The following NTM variants were observed in gnomAD, a reference collection of about 807,000 sequenced individuals.
The protein encoded by NTM is neurotrimin.
In NTM, 13 loss-of-function variants were observed where a neutral mutation model predicts 42.1. The ratio of observed to expected loss-of-function variants is 0.31; its 90% CI spans 0.20 to 0.49. The LOEUF (loss-of-function observed/expected upper bound fraction) is 0.49, where lower values mean the gene tolerates loss of function less well. Among genes scored for constraint, NTM ranks in the 20% least tolerant of loss-of-function variants. The pLI, the probability that NTM is intolerant of heterozygous loss-of-function variation, is 0.99. For missense variants in NTM, 373 were observed against 452.8 expected, an observed-to-expected ratio of 0.82 and a Z score of 1.60; for synonymous variants, 187 against 179.2, an observed-to-expected ratio of 1.04 and a Z score of -0.35.
chr11:131,508,051 A>G (rs928481807), intron 1 of NTM, among the ~76,000 whole-genome samples: 3 of 150,586 alleles, frequency 2.0e-5, no homozygotes, highest in Admixed American at 6.6e-5. Context: ...TAATTAAACT[A>G]AAGAGCTTCT....
intron 1 of NTM, among the ~76,000 whole-genome samples, chr11:131,766,506 A>C (rs2085125690): frequency 6.6e-6 from 1 of 152,126 alleles, no homozygotes; most frequent in African/African-American, 2.4e-5. Flanking sequence ...CTGTCATTAT[A>C]AACTGGTATT....
chr11:132,149,773 G>A (rs981946366), intron 3 of NTM, among the ~76,000 whole-genome samples: 29 of 152,190 alleles, frequency 1.9e-4, no homozygotes, highest in African/African-American at 6.5e-4. Context: ...TGGAGCCAGT[G>A]TGGGAGGGAG....
Position 131,596,989 on chromosome 11 carries a change from G to A in NTM, c.82+226101G>A, listed in dbSNP as rs181529221. 1.8e-3 allele frequency among the ~76,000 whole-genome samples: 278 copies of A among 152,236 alleles called. 1 individual carries two copies. Among genetic ancestry groups the A allele is most frequent in the African/African-American group, 6.4e-3 (264 of 41,548 alleles). ...ACAGGAGAAAGATGGAGGCTGGGAG[G>A]CTATCAGGATCTCTTTTCACATTTT... On this transcript the variant is annotated intron_variant, in intron 1 of 8. Transcript: ENST00000683400.
At chr11:131,918,827 G>T (rs975652034) in intron 2 of NTM, among the ~76,000 whole-genome samples, 1 of 152,158 alleles carries the variant, frequency 6.6e-6, no homozygotes, top group Admixed American at 6.5e-5. Flanking sequence ...GGACCCAACC[G>T]ACCTCTAGAG....
At chr11:132,006,885 G>T (rs923924642) in intron 2 of NTM, among the ~76,000 whole-genome samples, 1 of 152,246 alleles carries the variant, frequency 6.6e-6, no homozygotes, top group Non-Finnish European at 1.5e-5. Flanking sequence ...TGGTAGGATT[G>T]TACTTCCTCC....
chr11:131,591,406 A>G (rs2059357609), intron 1 of NTM, among the ~76,000 whole-genome samples: 1 of 152,142 alleles, frequency 6.6e-6, no homozygotes, highest in Non-Finnish European at 1.5e-5. Context: ...TCTGCTGCTG[A>G]CAGTCCATGG....
At chr11:132,305,098 G>A (rs1329249358) in intron 4 of NTM, among the ~76,000 whole-genome samples, 1 of 152,182 alleles carries the variant, frequency 6.6e-6, no homozygotes, top group East Asian at 1.9e-4. Context: ...GATTTTGACT[G>A]CCTTAATATT....
chr11:132,245,151 C>T (rs1329415673), intron 4 of NTM, among the ~76,000 whole-genome samples: 3 of 152,178 alleles, frequency 2.0e-5, no homozygotes, highest in African/African-American at 7.2e-5. Flanking sequence ...TGGCAGAGGA[C>T]AGAGGTTTGC....
intron 2 of NTM, among the ~76,000 whole-genome samples, chr11:132,036,195 G>T (rs11222874): frequency 6.6e-6 from 1 of 152,010 alleles, no homozygotes. Flanking sequence ...GGACAGAAAC[G>T]AGTTGGGATA....
chr11:131,674,141 C>T (rs1332039680), intron 1 of NTM, among the ~76,000 whole-genome samples: 2 of 152,240 alleles, frequency 1.3e-5, no homozygotes, highest in African/African-American at 2.4e-5. Flanking sequence ...GGTGCGGGCG[C>T]CCTCGCGTGG....
rs1024918406 is a variant in NTM, at chr11:131,806,620, G to C, written c.83-104944G>C. On this transcript the variant is annotated intron_variant, in intron 1 of 8. Transcript: ENST00000683400. ...GGGTAATGAGGCCCAGAAAGGAGAAGGAATTTGCCCAGTGACACACAGGAA... is the reference window on the plus strand; with the variant it reads ...GGGTAATGAGGCCCAGAAAGGAGAACGAATTTGCCCAGTGACACACAGGAA... 3.9e-5 allele frequency among the ~76,000 whole-genome samples: 6 copies of C among 152,284 alleles called. 1 individual carries two copies. Among genetic ancestry groups the C allele is most frequent in the African/African-American group, 7.2e-5 (3 of 41,568 alleles).
chr11:131,551,021 G>A (rs959878894), intron 1 of NTM, among the ~76,000 whole-genome samples: 4 of 152,120 alleles, frequency 2.6e-5, no homozygotes, highest in African/African-American at 9.7e-5. Context: ...TTAAATTTAA[G>A]TTGTATTTTA....
chr11:131,774,074 T>C (rs1853908439), intron 1 of NTM: 1 of 984,942 alleles, frequency 1.0e-6, no homozygotes, highest in Non-Finnish European at 1.2e-6. Context: ...GTTCCAATGT[T>C]GTTCCAAAAT....
At chr11:132,286,485 G>A (rs776819910) in intron 4 of NTM, among the ~76,000 whole-genome samples, 4 of 152,114 alleles carry the variant, frequency 2.6e-5, no homozygotes, top group Non-Finnish European at 5.9e-5. Flanking sequence ...TGCTAGAGAA[G>A]AACACGATAT....
chr11:131,677,276 C>T (rs926678749), intron 1 of NTM, among the ~76,000 whole-genome samples: 8 of 152,150 alleles, frequency 5.3e-5, no homozygotes, highest in Non-Finnish European at 8.8e-5. Flanking sequence ...ACCCGCCTCC[C>T]GTGGAGGTCC....
intron 1 of NTM, among the ~76,000 whole-genome samples, chr11:131,457,526 C>T (rs1003035408): frequency 2.0e-5 from 3 of 151,924 alleles, no homozygotes; most frequent in African/African-American, 7.3e-5. Flanking sequence ...TTCCATTTGC[C>T]GAAAGGAAGA....
At chr11:132,076,767 T>C (rs2058421836) in intron 2 of NTM, among the ~76,000 whole-genome samples, 1 of 152,182 alleles carries the variant, frequency 6.6e-6, no homozygotes, top group Admixed American at 6.5e-5. Context: ...TCAATACTTA[T>C]TGCATAGGGC....
intron 1 of NTM, among the ~76,000 whole-genome samples, chr11:131,557,088 G>A (rs1183341149): frequency 1.3e-5 from 2 of 152,026 alleles, no homozygotes; most frequent in Non-Finnish European, 2.9e-5. Flanking sequence ...TGTCATGACA[G>A]CCAGAGGCAG....
At chr11:132,031,936 C>T (rs750397763) in intron 2 of NTM, among the ~76,000 whole-genome samples, 1 of 151,646 alleles carries the variant, frequency 6.6e-6, no homozygotes, top group Non-Finnish European at 1.5e-5. Flanking sequence ...ATTAATCTTT[C>T]TCCTTCTCTA....
Sources: allele counts gnomAD v4.1 joint callset (sites outside exome capture counted in the v4.1 genomes callset), GRCh38; gene constraint gnomAD v4.1.1; transcripts MANE v1.5; gene names NCBI Gene and HGNC (gene_info 2026-07-23, HGNC 2026-07-21).